CHD9: variants seen among roughly 807,000 people sequenced by gnomAD.
CHD9 encodes chromodomain helicase DNA binding protein 9.
Under a neutral mutation model 316.1 loss-of-function variants are expected in CHD9, and 77 were observed. That is an observed-to-expected ratio of 0.24 (90% CI 0.20 to 0.29). The LOEUF (loss-of-function observed/expected upper bound fraction) is 0.29, where lower values mean the gene tolerates loss of function less well. Among genes scored for constraint, CHD9 ranks in the 10% least tolerant of loss-of-function variants. The pLI is 1.00. For missense variants in CHD9, 2,763 were observed against 3,438.1 expected (o/e 0.80, Z 4.91); for synonymous variants, 1,129 against 1,158.3 (o/e 0.97, Z 0.51).
intron 1 of CHD9, among the ~76,000 whole-genome samples, chr16:53,129,246 C>CAA (rs1423133985): frequency 2.0e-5 from 3 of 152,202 alleles, no homozygotes; most frequent in Non-Finnish European, 4.4e-5. Flanking sequence ...AGTGGGATGT[C>CAA]ATTCTGCTGT....
chr16:53,170,313 A>C (rs920262294), intron 2 of CHD9, among the ~76,000 whole-genome samples: 2 of 152,186 alleles, frequency 1.3e-5, no homozygotes, highest in Middle Eastern at 3.2e-3. Context: ...TTTATAAAAA[A>C]TGTGTTATAA....
At chr16:53,098,475 C>CA (rs35249810) in intron 1 of CHD9, among the ~76,000 whole-genome samples, 1,218 of 105,464 alleles carry the variant, frequency 0.012, 10 homozygotes, top group African/African-American at 0.024. Context: ...GACTCCGTCT[C>CA]AAAAAAAAAA....
chr16:53,079,201 A>G (rs2034804888), intron 1 of CHD9, among the ~76,000 whole-genome samples: 2 of 152,202 alleles, frequency 1.3e-5, no homozygotes, highest in Non-Finnish European at 2.9e-5. Flanking sequence ...CTTTGGTGGC[A>G]AAACTTCCAC....
rs567106350 is a variant in CHD9, at chr16:53,283,579, G to T, written c.4968-2017G>T. ...CTGACCCACTTTTTTTCTCCTCTGG[G>T]ATTCTGTTTCCAGTGTTCTTTCCTG... is the stretch of plus-strand genomic sequence containing the variant. On this transcript the variant is annotated intron_variant, in intron 24 of 38. Transcript: ENST00000447540. Among the ~76,000 whole-genome samples the T allele has an allele frequency of 1.6e-4, 24 of 152,242 alleles. No individual in the cohort carries two copies. The South Asian group carries it at 4.4e-3, about 28-fold the overall frequency.
At chr16:53,283,131 C>T (rs1233010932) in intron 24 of CHD9, among the ~76,000 whole-genome samples, 3 of 152,106 alleles carry the variant, frequency 2.0e-5, no homozygotes, top group Non-Finnish European at 4.4e-5. Context: ...CCTCTTCCTG[C>T]TCAGCCAACA....
intron 1 of CHD9, among the ~76,000 whole-genome samples, chr16:53,082,495 C>T (rs899278259): frequency 6.6e-6 from 1 of 152,206 alleles, no homozygotes; most frequent in Non-Finnish European, 1.5e-5. Flanking sequence ...CCCACCTCTG[C>T]CTCCTGAAGT....
intron 1 of CHD9, among the ~76,000 whole-genome samples, chr16:53,060,698 A>G (rs569028828): frequency 6.6e-6 from 1 of 151,858 alleles, no homozygotes; most frequent in Admixed American, 6.6e-5. Flanking sequence ...TGAGGTTGCA[A>G]TGAGCCATGA....
chr16:53,073,221 G>A (rs1468118233), intron 1 of CHD9, among the ~76,000 whole-genome samples: 1 of 152,192 alleles, frequency 6.6e-6, no homozygotes, highest in Non-Finnish European at 1.5e-5. Context: ...TCATACCAGT[G>A]GAATCAGATA....
chr16:53,282,157 TC>T (rs1442047690), intron 24 of CHD9, among the ~76,000 whole-genome samples: 2 of 152,144 alleles, frequency 1.3e-5, no homozygotes, highest in East Asian at 3.8e-4. Context: ...TTCCCCCTTT[TC>T]CTTCTCATTT....
At chr16:53,139,337 G>A (rs1379415391) in intron 1 of CHD9, among the ~76,000 whole-genome samples, 1 of 152,048 alleles carries the variant, frequency 6.6e-6, no homozygotes, top group Non-Finnish European at 1.5e-5. Context: ...CATATTGAAG[G>A]TAAAGGGTAT....
chr16:53,077,640 T>C (rs554177147), intron 1 of CHD9, among the ~76,000 whole-genome samples: 19 of 152,346 alleles, frequency 1.2e-4, no homozygotes, highest in Admixed American at 9.8e-4. Flanking sequence ...AATTTTATTT[T>C]TAAAGTATAT....
chr16:53,059,307 A>T (rs976943384), intron 1 of CHD9, among the ~76,000 whole-genome samples: 6 of 152,112 alleles, frequency 3.9e-5, no homozygotes, highest in Admixed American at 3.3e-4. Context: ...TTTAAAAAAG[A>T]AAAATATTTC....
At chr16:53,168,092 T>C (rs113161932) in intron 2 of CHD9, among the ~76,000 whole-genome samples, 4,907 of 152,148 alleles carry the variant, frequency 0.032, 99 homozygotes, top group Middle Eastern at 0.071. Flanking sequence ...GACGGAGTCT[T>C]GCTCCGTCTC....
In CHD9 at chr16:53,273,599, C is replaced by T. The variant is rs572510796; in HGVS notation, c.4718-27C>T. 6.3e-4 allele frequency: 938 copies of T among 1,494,376 alleles called. 14 individuals carry two copies. In the South Asian group the frequency reaches 0.011, roughly 18 times the overall value. The allele number at this position is 1,494,376 out of a possible 1,614,324, so 92.6% of individuals were successfully genotyped here. On this transcript the variant is annotated intron_variant, in intron 22 of 38. Transcript: ENST00000447540. ...TTGCAAATTTTTATACAAATTATTC[C>T]TAATTTATATGTCCTTATTTTAACA...
At chr16:53,235,364 C>A in intron 11 of CHD9, 58 bp downstream of exon 11, 4 of 1,206,124 alleles carry the variant, frequency 3.3e-6, no homozygotes, top group South Asian at 1.6e-5. Context: ...CAAAATGTGT[C>A]AAGTAAAATA....
chr16:53,075,373 A>T (rs1455565780), intron 1 of CHD9, among the ~76,000 whole-genome samples: 1 of 152,102 alleles, frequency 6.6e-6, no homozygotes, highest in Non-Finnish European at 1.5e-5. Context: ...TTGGGGGACT[A>T]TTGGGAAGGC....
At chr16:53,080,633 AAAAAG>A (rs1318519973) in intron 1 of CHD9, among the ~76,000 whole-genome samples, 2 of 152,208 alleles carry the variant, frequency 1.3e-5, no homozygotes, top group Admixed American at 1.3e-4. Context: ...ACTGAATGAC[AAAAAG>A]AAATCTGTTG....
At chr16:53,151,120 G>A (rs988470977) in intron 1 of CHD9, among the ~76,000 whole-genome samples, 4 of 151,048 alleles carry the variant, frequency 2.6e-5, no homozygotes, top group African/African-American at 9.7e-5. Context: ...TCTTGATTTT[G>A]TCTCATAGGT....
chr16:53,188,713 G>A (rs1161263397), intron 2 of CHD9, among the ~76,000 whole-genome samples: 1 of 138,848 alleles, frequency 7.2e-6, no homozygotes, highest in Non-Finnish European at 1.5e-5. Flanking sequence ...TTCTGCCTCA[G>A]CCTCCCGAGT....
Sources: gnomAD v4.1 joint callset for allele counts (sites outside exome capture counted in the v4.1 genomes callset) on GRCh38, gnomAD v4.1.1 for gene constraint, MANE v1.5 for transcripts, NCBI Gene and HGNC (gene_info 2026-07-23, HGNC 2026-07-21) for gene names.